The following CLUH variants were observed in gnomAD, a reference collection of about 807,000 sequenced individuals.
CLUH encodes the protein CLUH binding protein of NUMT mRNA, also known as clustered mitochondria protein homolog.
In CLUH, 77 loss-of-function variants were observed where a neutral mutation model predicts 139.3. The observed-to-expected ratio is 0.55, with a 90% CI of 0.46 to 0.67. CLUH has a LOEUF of 0.67. CLUH is among the 30% of genes least tolerant of loss of function. CLUH has a pLI of 0.00. For missense variants in CLUH, 1,876 were observed against 1,875.8 expected (o/e 1.00, Z 0.00); for synonymous variants, 999 against 801.6 (o/e 1.25, Z -4.16).
intron 25 of CLUH, 31 bp downstream of exon 25, chr17:2,691,578 G>T: frequency 6.2e-7 from 1 of 1,602,354 alleles, no homozygotes; most frequent in South Asian, 1.1e-5. Flanking sequence ...ACCCCCAACC[G>T]GGAGACACTC....
chr17:2,693,686 C>G (rs192908790), intron 19 of CLUH, among the ~76,000 whole-genome samples: 1 of 152,302 alleles, frequency 6.6e-6, no homozygotes, highest in East Asian at 1.9e-4. Flanking sequence ...CCCCTGCCAT[C>G]GCCTCCCAGA....
chr17:2,690,495 G>C lies in CLUH; in HGVS notation c.*99C>G, dbSNP rs959947423. The C allele has an allele frequency of 9.3e-7, 1 of 1,080,390 alleles. No individual in the cohort carries two copies. 66.9% of individuals were successfully genotyped at this position (1,080,390 alleles called of 1,614,324 possible). A position where few individuals can be genotyped will look rare whatever the true frequency, so the allele number is the denominator to read the frequency against. The stretch of plus-strand genomic sequence containing the variant: ...GGTGGGGTGAGACGTGGAGGAAGAG[G>C]GCCTTGCTTCCTCTTCCGCCCGCAG... On this transcript the variant is annotated 3_prime_UTR_variant, in exon 26 of 26. Transcript: ENST00000651024.
Position 2,700,807 on chromosome 17 carries a change from G to A in CLUH, c.1044C>T (p.Phe348=), listed in dbSNP as rs746019720. ...CCTGGAATGGGGTGGCGATCCTCTCGAACGGGTGGCGCTGGACCCTGTGGC... is the reference window on the plus strand; with the variant it reads ...CCTGGAATGGGGTGGCGATCCTCTCAAACGGGTGGCGCTGGACCCTGTGGC... ...LQKKRVQRHP[F]ERIATPFQVY... The change falls in exon 8 of 26, where the codon TTC becomes TTT. Residue 348 remains phenylalanine (F), a synonymous_variant. Coordinates refer to ENST00000651024, the MANE Select transcript of CLUH (RefSeq NM_001366661.1). 5.2e-6 allele frequency: 8 copies of A among 1,527,532 alleles called. No individual in the cohort carries two copies. Among genetic ancestry groups the A allele is most frequent in the African/African-American group, 1.4e-5 (1 of 72,058 alleles). 94.6% of individuals were successfully genotyped at this position (1,527,532 alleles called of 1,614,324 possible).
At chr17:2,708,643 A>C (rs964561347) in intron 1 of CLUH, among the ~76,000 whole-genome samples, 1 of 151,562 alleles carries the variant, frequency 6.6e-6, no homozygotes, top group Admixed American at 6.6e-5. Context: ...AAAAAACAGG[A>C]GTGTCAGACG....
At chr17:2,708,723 C>T (rs1293411579) in intron 1 of CLUH, among the ~76,000 whole-genome samples, 1 of 152,196 alleles carries the variant, frequency 6.6e-6, no homozygotes, top group East Asian at 1.9e-4. Flanking sequence ...CGACCTGCTC[C>T]CGCCGACCCG....
chr17:2,693,996 G>T lies in CLUH; in HGVS notation c.3135C>A (p.Asn1045Lys). 1 of 1,613,950 alleles carries T rather than the reference G, an allele frequency of 6.2e-7. No individual in the cohort carries two copies. Among genetic ancestry groups the T allele is most frequent in the Non-Finnish European group, 8.5e-7 (1 of 1,179,862 alleles). ...EGCELINEALNLFNNVYGAMH... is the reference protein window; with the variant it reads ...EGCELINEALKLFNNVYGAMH... ...TGGCTCCGTAGACGTTGTTAAACAG[G>T]TTCAGGGCCTCATTGATGAGCTCAC... is the stretch of plus-strand genomic sequence containing the variant. Residue 1045 changes from asparagine to lysine, a missense_variant, in exon 19 of 26, where the codon AAC becomes AAA. By Grantham distance (94) the Asn-to-Lys change is moderately conservative. Coordinates refer to ENST00000651024, the MANE Select transcript of CLUH (RefSeq NM_001366661.1).
chr17:2,709,004 G>A (rs2070435131), intron 1 of CLUH, among the ~76,000 whole-genome samples: 1 of 152,208 alleles, frequency 6.6e-6, no homozygotes, highest in Non-Finnish European at 1.5e-5. Flanking sequence ...CTTCTGCAGA[G>A]CGGGAGAGCC....
Position 2,706,761 on chromosome 17 carries a change from G to A in CLUH, c.101-2197C>T, listed in dbSNP as rs2070362799. On this transcript the variant is annotated intron_variant, in intron 1 of 25. Coordinates refer to ENST00000651024, the MANE Select transcript of CLUH (RefSeq NM_001366661.1). The surrounding 1 kb of genome is among the most constrained non-coding windows in gnomAD (Gnocchi z 4.6). ...AGGGTCCCTGAGAAAGGCTGTGCTG[G>A]CTGCCAAGCCCCTGGAATAAGGGGA... Among the ~76,000 whole-genome samples the A allele has an allele frequency of 6.6e-6, 1 of 152,140 alleles. No homozygotes were observed. Among genetic ancestry groups the A allele is most frequent in the Admixed American group, 6.5e-5 (1 of 15,274 alleles).
chr17:2,710,869 G>A (rs2070494273), intron 1 of CLUH, among the ~76,000 whole-genome samples: 1 of 152,226 alleles, frequency 6.6e-6, no homozygotes, highest in African/African-American at 2.4e-5. Context: ...TCAAGTTCTG[G>A]CACAAACACT....
rs767984881 is a variant in CLUH at position 2,701,178 on chromosome 17, C to T, written c.987G>A (p.Pro329=). The change falls in exon 7 of 26, where the codon CCG becomes CCA. Residue 329 remains proline, a synonymous_variant. Transcript: ENST00000651024. The part of the protein sequence containing the change: ...SLVELLNQIS[P]TFKKNFAVLQ... ...GCACAGCGAAGTTCTTCTTGAAGGT[C>T]GGGCTGATCTGGTTGAGCAGCTCCA... The T allele has an allele frequency of 4.3e-5, 69 of 1,613,854 alleles. No individual in the cohort carries two copies. Among genetic ancestry groups the T allele is most frequent in the Middle Eastern group, 1.6e-4 (1 of 6,084 alleles).
In CLUH at chr17:2,693,945, C is replaced by T. The variant is rs1297404772; in HGVS notation, c.3186G>A (p.Leu1062=). ...GAMHVETCAC[L]RLLARLHYIM... ...TGTAGTGGAGGCGGGCGAGGAGGCG[C>T]AGGCAGGCGCAGGTCTCCACGTGCA... The change falls in exon 19 of 26, where the codon CTG becomes CTA. Residue 1062 remains leucine, a synonymous_variant. Transcript: ENST00000651024. The T allele has an allele frequency of 6.2e-7, 1 of 1,613,468 alleles. No homozygotes were observed. The highest frequency in any genetic ancestry group is 1.3e-5 in the African/African-American group (1 of 74,940).
Position 2,703,411 on chromosome 17 carries a change from A to C in CLUH, c.382T>G (p.Ser128Ala). The change falls in exon 3 of 26, where the codon TCA (serine) becomes GCA (alanine). Residue 128 changes from serine (S) to alanine (A), a missense_variant. Physicochemically the swap from Ser to Ala is moderately conservative, Grantham distance 99. Around this residue, in one of 3 missense-constraint regions of CLUH, gnomAD observed 270 missense variants for 354.7 expected, o/e 0.76. Coordinates refer to ENST00000651024, the MANE Select transcript of CLUH (RefSeq NM_001366661.1). This position sits in a 1 kb window ranked among gnomAD's most constrained non-coding sequence, Gnocchi z 4.2. Reference protein sequence around the residue: ...REDTCHRTCFSLHLDGNVLDH... With the variant: ...REDTCHRTCFALHLDGNVLDH... ...AGCACGTTGCCATCCAGGTGCAGTGAGAAGCAGGTGCGGTGACACGTGTCC... is the reference window on the plus strand; with the variant it reads ...AGCACGTTGCCATCCAGGTGCAGTGCGAAGCAGGTGCGGTGACACGTGTCC... The C allele has an allele frequency of 6.2e-7, 1 of 1,613,684 alleles. No individual in the cohort carries two copies. Among genetic ancestry groups the C allele is most frequent in the Non-Finnish European group, 8.5e-7 (1 of 1,179,822 alleles).
At chr17:2,695,196 C>G (rs753571498) in intron 15 of CLUH, 22 bp downstream of exon 15, 3 of 1,613,694 alleles carry the variant, frequency 1.9e-6, no homozygotes, top group Non-Finnish European at 2.5e-6. Flanking sequence ...CCATGGCCAG[C>G]CGCAGAGCGG....
intron 1 of CLUH, among the ~76,000 whole-genome samples, 163 bp downstream of exon 1, chr17:2,711,399 T>G (rs1307088140): frequency 6.6e-6 from 1 of 152,002 alleles, no homozygotes; most frequent in Non-Finnish European, 1.5e-5. Flanking sequence ...CGGGGGCGAC[T>G]GTGAAGGTGA....
At chr17:2,692,920 C>T (rs767443893) in intron 19 of CLUH, 60 bp from the exon 20 acceptor site, 3 of 1,482,244 alleles carry the variant, frequency 2.0e-6, no homozygotes, top group South Asian at 1.3e-5. Context: ...CCAGAGCCCG[C>T]CTGGCCCCGG....
At chr17:2,695,196 C>A (rs753571498) in intron 15 of CLUH, 22 bp downstream of exon 15, 35 of 1,613,694 alleles carry the variant, frequency 2.2e-5, no homozygotes, top group Admixed American at 1.8e-4. Context: ...CCATGGCCAG[C>A]CGCAGAGCGG....
At position 2,707,095 on chromosome 17, in the gene CLUH, G is replaced by A; in HGVS notation, c.101-2531C>T. The A allele has an allele frequency of 1.2e-6, 1 of 851,728 alleles. No individual in the cohort carries two copies. Among genetic ancestry groups the A allele is most frequent in the Non-Finnish European group, 1.4e-6 (1 of 707,746 alleles). 52.8% of individuals were successfully genotyped at this position (851,728 alleles called of 1,614,324 possible). A position where few individuals can be genotyped will look rare whatever the true frequency, so the allele number is the denominator to read the frequency against. The stretch of plus-strand genomic sequence containing the variant: ...AATCCTTCCTCCTAGGAACCCCGAA[G>A]GTCTCCCCACCCCTGGATGAAGGCT... On this transcript the variant is annotated intron_variant, in intron 1 of 25. Transcript: ENST00000651024. The surrounding 1 kb of genome is among the most constrained non-coding windows in gnomAD (Gnocchi z 7.4).
intron 9 of CLUH, among the ~76,000 whole-genome samples, chr17:2,699,306 C>G (rs1163118074): frequency 6.6e-6 from 1 of 152,188 alleles, no homozygotes; most frequent in Non-Finnish European, 1.5e-5. Flanking sequence ...CAATTATCAT[C>G]TCTAGGCAGT....
chr17:2,699,048 A>G (rs925010327), intron 9 of CLUH, among the ~76,000 whole-genome samples: 19 of 152,022 alleles, frequency 1.2e-4, no homozygotes, highest in African/African-American at 4.6e-4. Context: ...CTCCATTTCT[A>G]AAAAAGCGCA....
Sources: gnomAD v4.1 joint callset for allele counts (sites outside exome capture counted in the v4.1 genomes callset) on GRCh38, gnomAD v4.1.1 for gene constraint, gnomAD v4.1.1 regional missense constraint, Gnocchi (gnomAD v3.1) non-coding constraint, MANE v1.5 for transcripts, NCBI Gene and HGNC (gene_info 2026-07-23, HGNC 2026-07-21) for gene names.